The following XRCC2 variants were observed in gnomAD, a reference collection of about 807,000 sequenced individuals.
The protein encoded by XRCC2 is X-ray repair cross complementing 2.
A neutral mutation model predicts 27.3 loss-of-function variants in XRCC2; 24 were observed. The ratio of observed to expected loss-of-function variants is 0.88; its 90% CI spans 0.64 to 1.24. The LOEUF (loss-of-function observed/expected upper bound fraction) is 1.24, where lower values mean the gene tolerates loss of function less well. XRCC2 is among the 50% of genes most tolerant of loss of function. The probability of loss-of-function intolerance (pLI) is 0.00; values close to 1 mark genes in which losing one functional copy is unlikely to be tolerated. For missense variants in XRCC2, 321 were observed against 325.8 expected (o/e 0.99, Z 0.11); for synonymous variants, 106 against 115.4 (o/e 0.92, Z 0.52).
intron 1 of XRCC2, among the ~76,000 whole-genome samples, chr7:152,662,211 T>G (rs1380643029): frequency 6.6e-6 from 1 of 151,920 alleles, no homozygotes; most frequent in Non-Finnish European, 1.5e-5. Context: ...AATGATCCGC[T>G]CCCATCGGCC....
chr7:152,665,413 A>C (rs3218444), intron 1 of XRCC2, among the ~76,000 whole-genome samples: 191 of 151,554 alleles, frequency 1.3e-3, no homozygotes, highest in African/African-American at 4.3e-3. Flanking sequence ...CACATAACTC[A>C]GTGAACCATC....
At chr7:152,649,482 T>C in intron 2 of XRCC2, 119 bp from the exon 3 acceptor site, 1 of 1,286,788 alleles carries the variant, frequency 7.8e-7, no homozygotes. Context: ...AAATCTAAAT[T>C]CACTTTTGCC....
At position 152,647,237 on chromosome 7, in the gene XRCC2, C is replaced by T. The variant is rs1329268104; in HGVS notation, c.*1405G>A. On this transcript the variant is annotated 3_prime_UTR_variant, in exon 3 of 3. Coordinates refer to ENST00000359321, the MANE Select transcript of XRCC2 (RefSeq NM_005431.2). ...AGTGTCTGTTCATGTCCTTTGCCCA[C>T]TTTTTAATGGGGTGGTTTTTTCTTC... is the stretch of plus-strand genomic sequence containing the variant. 1 of 152,126 alleles carries T rather than the reference C, an allele frequency of 6.6e-6. No homozygotes were observed. The highest frequency in any genetic ancestry group is 1.5e-5 in the Non-Finnish European group (1 of 68,014). 9.4% of individuals were successfully genotyped at this position (152,126 alleles called of 1,614,324 possible).
At chr7:152,668,014 C>T (rs1249741970) in intron 1 of XRCC2, among the ~76,000 whole-genome samples, 3 of 146,580 alleles carry the variant, frequency 2.0e-5, no homozygotes, top group Admixed American at 7.1e-5. Context: ...GGAGACAGAA[C>T]GAGACTCCAT....
intron 2 of XRCC2, among the ~76,000 whole-genome samples, chr7:152,656,071 T>A (rs1044435372): frequency 2.0e-5 from 3 of 152,014 alleles, no homozygotes; most frequent in African/African-American, 7.2e-5. Context: ...GCTGAAGGCA[T>A]GAGGGGAGGG....
At chr7:152,669,406 C>G (rs1444807488) in intron 1 of XRCC2, among the ~76,000 whole-genome samples, 12 of 152,184 alleles carry the variant, frequency 7.9e-5, no homozygotes, top group Admixed American at 7.9e-4. Flanking sequence ...CTCAATTATA[C>G]AGACATTTAA....
intron 1 of XRCC2, among the ~76,000 whole-genome samples, chr7:152,668,321 GTA>G (rs941037079): frequency 1.3e-5 from 2 of 152,124 alleles, no homozygotes; most frequent in Non-Finnish European, 2.9e-5. Context: ...AAAACATAGT[GTA>G]TATAGGGTTC....
In XRCC2 at chr7:152,649,360, T is replaced by C; in HGVS notation, c.125A>G (p.Asp42Gly). 6.4e-7 allele frequency: 1 copy of C among 1,568,604 alleles called. No homozygotes were observed. Among genetic ancestry groups the C allele is most frequent in the Non-Finnish European group, 8.6e-7 (1 of 1,159,728 alleles). ...FADEDSPVHG[D>G]ILEFHGPEGT... is the part of the protein sequence containing the mutation. ...TTCTGGGCCATGAAATTCAAGAATA[T>C]CACCTGTGTAAAATTTAAAAATCTC... The change falls in exon 3 of 3, where the codon GAT becomes GGT. Residue 42 changes from aspartate (D) to glycine (G), a missense_variant. Physicochemically the swap from Asp to Gly is moderately conservative, Grantham distance 94. Coordinates refer to ENST00000359321, the MANE Select transcript of XRCC2 (RefSeq NM_005431.2).
At chr7:152,660,383 C>T (rs1424449750) in intron 2 of XRCC2, among the ~76,000 whole-genome samples, 3 of 152,150 alleles carry the variant, frequency 2.0e-5, no homozygotes, top group African/African-American at 7.2e-5. Flanking sequence ...TACCCAAGGA[C>T]TTCCCTACAA....
chr7:152,655,084 G>A (rs753355781), intron 2 of XRCC2, among the ~76,000 whole-genome samples: 5 of 152,136 alleles, frequency 3.3e-5, no homozygotes, highest in Non-Finnish European at 2.9e-5. Flanking sequence ...ATTATGGAAC[G>A]TGACAACTCG....
intron 1 of XRCC2, among the ~76,000 whole-genome samples, chr7:152,661,838 G>C (rs2098033242): frequency 6.6e-6 from 1 of 152,202 alleles, no homozygotes; most frequent in African/African-American, 2.4e-5. Context: ...TGGGACCCCA[G>C]AGCCAGACCT....
At chr7:152,666,365 C>G (rs2098035660) in intron 1 of XRCC2, among the ~76,000 whole-genome samples, 4 of 152,096 alleles carry the variant, frequency 2.6e-5, no homozygotes, top group Admixed American at 2.6e-4. Flanking sequence ...GTGTGTGCCA[C>G]CAAACCCAGC....
chr7:152,662,978 T>C (rs1237164501), intron 1 of XRCC2, among the ~76,000 whole-genome samples: 5 of 152,092 alleles, frequency 3.3e-5, no homozygotes, highest in Non-Finnish European at 5.9e-5. Flanking sequence ...TTCTGTTGCG[T>C]ATGAAGCACT....
intron 1 of XRCC2, among the ~76,000 whole-genome samples, chr7:152,673,959 C>G (rs2098039262): frequency 6.6e-6 from 1 of 152,322 alleles, no homozygotes; most frequent in Admixed American, 6.5e-5. Context: ...AACACAATCC[C>G]TCCAAGTAAA....
chr7:152,654,197 C>T (rs1169566053), intron 2 of XRCC2, among the ~76,000 whole-genome samples: 1 of 92,216 alleles, frequency 1.1e-5, no homozygotes, highest in Admixed American at 1.4e-4. Flanking sequence ...AACTCCATCT[C>T]AAAAAAAAAA....
chr7:152,660,328 C>T (rs1450805327), intron 2 of XRCC2, among the ~76,000 whole-genome samples: 1 of 152,154 alleles, frequency 6.6e-6, no homozygotes, highest in East Asian at 1.9e-4. Context: ...CCTAAGCGCA[C>T]GCCCTTAGTA....
chr7:152,649,294 C>A lies in XRCC2; in HGVS notation c.191G>T (p.Arg64Leu), dbSNP rs781506113. Residue 64 changes from arginine (R) to leucine (L), a missense_variant, in exon 3 of 3, where the codon CGA becomes CTA. By Grantham distance (102) the Arg-to-Leu change is moderately radical. Transcript: ENST00000359321. ...KTEMLYHLTA[R>L]CILPKSEGGL... ...ACCTTCTGATTTGGGAAGTATACAT[C>A]GTGCTGTTAGGTGATAAAGCATTTC... The A allele has an allele frequency of 2.5e-6, 4 of 1,613,318 alleles. No homozygotes were observed. The highest frequency in any genetic ancestry group is 1.6e-4 in the Middle Eastern group (1 of 6,062).
At chr7:152,674,576 C>A (rs1315179405) in intron 1 of XRCC2, among the ~76,000 whole-genome samples, 1 of 150,726 alleles carries the variant, frequency 6.6e-6, no homozygotes, top group East Asian at 1.9e-4. Flanking sequence ...GGCACCATTG[C>A]ACTCCAGCCT....
chr7:152,675,676 A>G (rs2098040668), intron 1 of XRCC2, among the ~76,000 whole-genome samples: 1 of 152,192 alleles, frequency 6.6e-6, no homozygotes. Flanking sequence ...CTTTTCTTGC[A>G]TAGCTTGACA....
Sources: gnomAD v4.1 joint callset for allele counts (sites outside exome capture counted in the v4.1 genomes callset) on GRCh38, gnomAD v4.1.1 for gene constraint, MANE v1.5 for transcripts, NCBI Gene and HGNC (gene_info 2026-07-23, HGNC 2026-07-21) for gene names.